The following RASSF4 variants were observed in gnomAD, a reference collection of about 807,000 sequenced individuals.
The protein encoded by RASSF4 is ras association domain-containing protein 4.
RASSF4 carries 38 observed loss-of-function variants against 41.1 expected under a neutral mutation model. That is an observed-to-expected ratio of 0.92 (90% confidence interval 0.71 to 1.21). The LOEUF (loss-of-function observed/expected upper bound fraction) is 1.21, where lower values mean the gene tolerates loss of function less well. Among genes scored for constraint, RASSF4 ranks in the 50% most tolerant of loss-of-function variants. The pLI is 0.00. For missense variants in RASSF4, 414 were observed against 419.4 expected (o/e 0.99, Z 0.11); for synonymous variants, 179 against 163.4 (o/e 1.10, Z -0.73).
chr10:44,979,654 C>T (rs939266620), intron 3 of RASSF4, among the ~76,000 whole-genome samples: 7 of 152,150 alleles, frequency 4.6e-5, no homozygotes, highest in Non-Finnish European at 2.9e-5. Flanking sequence ...AGGGGCAGCA[C>T]GTGCAAAGCC....
At chr10:44,960,436 G>T (rs1400611885) in intron 1 of RASSF4, among the ~76,000 whole-genome samples, 2 of 152,192 alleles carry the variant, frequency 1.3e-5, no homozygotes, top group African/African-American at 4.8e-5. Flanking sequence ...TACCGGATGA[G>T]TTGGTGATGG....
At chr10:44,978,152 G>A in intron 3 of RASSF4, 2 of 1,173,872 alleles carry the variant, frequency 1.7e-6, no homozygotes, top group Non-Finnish European at 2.4e-6. Flanking sequence ...TAGGAATCCG[G>A]TGCCCTGAGA....
chr10:44,978,085 G>A (rs1469195334), intron 3 of RASSF4: 18 of 1,569,870 alleles, frequency 1.1e-5, no homozygotes, highest in East Asian at 2.2e-5. Flanking sequence ...TGGTGGTGAG[G>A]GCCTGCCATG....
At chr10:44,978,104 C>A (rs11818604) in intron 3 of RASSF4, 1 of 1,525,840 alleles carries the variant, frequency 6.6e-7, no homozygotes, top group African/African-American at 1.4e-5. Context: ...TGCGTCCCAC[C>A]GCCCCTCAGC....
intron 10 of RASSF4, among the ~76,000 whole-genome samples, chr10:44,992,998 C>A (rs935525716): frequency 5.3e-5 from 8 of 152,242 alleles, no homozygotes; most frequent in African/African-American, 1.9e-4. Flanking sequence ...GATCTCTGCT[C>A]TACCGCCCTG....
chr10:44,982,709 C>A, intron 4 of RASSF4, 46 bp downstream of exon 4: 1 of 1,591,998 alleles, frequency 6.3e-7, no homozygotes, highest in East Asian at 2.3e-5. Flanking sequence ...CCTGAGCTCC[C>A]GGGTTGGGGA....
chr10:44,961,085 G>A (rs1349531756), intron 1 of RASSF4, among the ~76,000 whole-genome samples: 1 of 152,176 alleles, frequency 6.6e-6, no homozygotes, highest in African/African-American at 2.4e-5. Flanking sequence ...ATTAAACTTA[G>A]GTTAAAAAAA....
At chr10:44,976,248 G>C (rs761500802) in intron 3 of RASSF4, 7 of 152,234 alleles carry the variant, frequency 4.6e-5, no homozygotes, top group Non-Finnish European at 7.3e-5. Context: ...TTATAGATAA[G>C]GAAACTGGGT....
Position 44,995,121 on chromosome 10 carries a change from CTAT to C in RASSF4, c.*1797_*1799del, listed in dbSNP as rs1842245265. 1 of 152,248 alleles carries C rather than the reference CTAT, an allele frequency of 6.6e-6. No individual in the cohort carries two copies. 9.4% of individuals were successfully genotyped at this position (152,248 alleles called of 1,614,324 possible). ...GCTCCCAGGTAATTGTACTCCCAAG[CTAT>C]TATTTACAATCTCAGGTGGAGGACA... On this transcript the variant is annotated 3_prime_UTR_variant, in exon 11 of 11. Coordinates refer to ENST00000340258, the MANE Select transcript of RASSF4 (RefSeq NM_032023.4).
At chr10:44,991,407 C>A (rs1185755410) in intron 9 of RASSF4, 1 of 229,172 alleles carries the variant, frequency 4.4e-6, no homozygotes, top group Non-Finnish European at 8.5e-6. Flanking sequence ...CTAGGCCCTA[C>A]CTCGCACCTG....
intron 3 of RASSF4, among the ~76,000 whole-genome samples, chr10:44,980,305 C>T (rs983258750): frequency 6.6e-6 from 1 of 152,188 alleles, no homozygotes; most frequent in Non-Finnish European, 1.5e-5. Flanking sequence ...TTTTGTAGAC[C>T]CTTTGTCTAG....
chr10:44,970,977 A>G (rs1489111883), intron 2 of RASSF4: 1 of 168,118 alleles, frequency 5.9e-6, no homozygotes, highest in Non-Finnish European at 1.3e-5. Context: ...CCATGATCCA[A>G]ACACCTCCCA....
chr10:44,982,056 A>C, intron 3 of RASSF4: 1 of 207,042 alleles, frequency 4.8e-6, no homozygotes, highest in Non-Finnish European at 9.8e-6. Context: ...AGACACAGCT[A>C]GGACAGAGAG....
intron 1 of RASSF4, among the ~76,000 whole-genome samples, chr10:44,969,636 T>C (rs1209068803): frequency 1.3e-5 from 2 of 152,178 alleles, no homozygotes; most frequent in Non-Finnish European, 2.9e-5. Flanking sequence ...GATACTCACC[T>C]CACAATATCG....
chr10:44,982,200 G>A lies in RASSF4; in HGVS notation c.139-321G>A, dbSNP rs539506828. On this transcript the variant is annotated intron_variant, in intron 3 of 10. Coordinates refer to ENST00000340258, the MANE Select transcript of RASSF4 (RefSeq NM_032023.4). Reference sequence around the variant, plus strand: ...CTTGGCATGAGCAGACAGGCTGTGCGTCCCTGGAACCACTTCTTCACCGCG... The same window carrying A: ...CTTGGCATGAGCAGACAGGCTGTGCATCCCTGGAACCACTTCTTCACCGCG... 2.5e-4 allele frequency: 93 copies of A among 377,340 alleles called. No homozygotes were observed. In the East Asian group the frequency reaches 5.6e-3, roughly 23 times the overall value. The allele number at this position is 377,340 out of a possible 1,614,324, so 23.4% of individuals were successfully genotyped here.
intron 4 of RASSF4, 148 bp downstream of exon 4, chr10:44,982,811 T>C: frequency 1.2e-6 from 1 of 868,574 alleles, no homozygotes. Context: ...TGTGACTGCC[T>C]CAGTCCACAG....
rs188366483 is a variant in RASSF4, at chr10:44,985,864, G to A, written c.531+894G>A. ...CCTGCTAGGCTTGTGGTGAGTGAAT[G>A]AATGACAATAGGGTTGCCTTTGCTA... On this transcript the variant is annotated intron_variant, in intron 6 of 10. Coordinates refer to ENST00000340258, the MANE Select transcript of RASSF4 (RefSeq NM_032023.4). Among the ~76,000 whole-genome samples, 328 of 152,320 alleles carry A rather than the reference G, an allele frequency of 2.2e-3. 1 individual carries two copies. Among genetic ancestry groups the A allele is most frequent in the Non-Finnish European group, 4.1e-3 (281 of 68,028 alleles).
chr10:44,981,225 T>C (rs1433143491), intron 3 of RASSF4: 1 of 152,130 alleles, frequency 6.6e-6, no homozygotes, highest in Non-Finnish European at 1.5e-5. Flanking sequence ...ATCTAAAATA[T>C]GGGTCAGAAA....
At chr10:44,968,721 G>A (rs1219721260) in intron 1 of RASSF4, among the ~76,000 whole-genome samples, 1 of 152,214 alleles carries the variant, frequency 6.6e-6, no homozygotes, top group East Asian at 1.9e-4. Context: ...TACGACAGCA[G>A]GTGGAGCTGA....
Sources: gnomAD v4.1 joint callset for allele counts (sites outside exome capture counted in the v4.1 genomes callset) on GRCh38, gnomAD v4.1.1 for gene constraint, MANE v1.5 for transcripts, NCBI Gene and HGNC (gene_info 2026-07-23, HGNC 2026-07-21) for gene names.